Variants in TRIM37 observed in about 807,000 individuals in gnomAD.
TRIM37 encodes the protein tripartite motif containing 37.
A neutral mutation model predicts 129.8 loss-of-function variants in TRIM37; 80 were observed. The ratio of observed to expected loss-of-function variants is 0.62; its 90% confidence interval spans 0.51 to 0.74. The LOEUF (loss-of-function observed/expected upper bound fraction) is 0.74, where lower values mean the gene tolerates loss of function less well. TRIM37 is among the 30% of genes least tolerant of loss of function. The pLI, the probability that TRIM37 is intolerant of heterozygous loss-of-function variation, is 0.00. For synonymous variants in TRIM37, 389 were observed against 387.1 expected (o/e 1.00, Z -0.06); for missense variants, 1,054 against 1,176.5 (o/e 0.90, Z 1.52).
Position 59,028,646 on chromosome 17 carries a change from T to TTA in TRIM37, c.2024_2025dup (p.Lys676Ter), listed in dbSNP as rs1367787892. The TTA allele has an allele frequency of 6.2e-7, 1 of 1,614,134 alleles. No homozygotes were observed. The highest frequency in any genetic ancestry group is 8.5e-7 in the Non-Finnish European group (1 of 1,180,048). The stretch of plus-strand genomic sequence containing the variant: ...TCGGCCATTTGAGTTTTGAGTCTTT[T>TTA]TAGCATCTTTAAATCAGAGGGCACT... On this transcript the variant is annotated frameshift_variant, in exon 19 of 24. Transcript: ENST00000262294. LOFTEE classifies it high-confidence loss of function.
chr17:59,072,821 A>G (rs550760607), intron 8 of TRIM37, among the ~76,000 whole-genome samples: 7 of 152,252 alleles, frequency 4.6e-5, no homozygotes, highest in African/African-American at 1.4e-4. Flanking sequence ...AAGAATAATG[A>G]TATCATGTTT....
intron 22 of TRIM37, among the ~76,000 whole-genome samples, chr17:59,005,261 T>C: frequency 6.6e-6 from 1 of 152,274 alleles, no homozygotes; most frequent in Non-Finnish European, 1.5e-5. Flanking sequence ...ATTAAATACA[T>C]TTTTCAAACT....
Position 59,012,335 on chromosome 17 carries a change from A to C in TRIM37, c.2688T>G (p.Pro896=). The change falls in exon 22 of 24, where the codon CCT becomes CCG. Residue 896 remains proline, a synonymous_variant. Coordinates refer to ENST00000262294, the MANE Select transcript of TRIM37 (RefSeq NM_015294.6). The part of the protein sequence containing the change: ...PVLPEGASAA[P]EEGMSSDSDI... Reference sequence around the variant, plus strand: ...AAGTTTATCATTCCTTACCTTCTTCAGGGGCAGCTGAAGCTCCTTCAGGTA... The same window carrying C: ...AAGTTTATCATTCCTTACCTTCTTCCGGGGCAGCTGAAGCTCCTTCAGGTA... 1.2e-6 allele frequency: 2 copies of C among 1,606,442 alleles called. No individual in the cohort carries two copies. Among genetic ancestry groups the C allele is most frequent in the Middle Eastern group, 1.7e-4 (1 of 6,048 alleles).
the TRIM37 span, among the ~76,000 whole-genome samples, chr17:58,975,831 G>T: frequency 6.6e-6 from 1 of 152,306 alleles, no homozygotes; most frequent in East Asian, 1.9e-4. Flanking sequence ...AGTAGAAAGA[G>T]CCTGGCTGGG....
At chr17:59,044,103 C>A (rs1412474474) in intron 16 of TRIM37, among the ~76,000 whole-genome samples, 8 of 152,080 alleles carry the variant, frequency 5.3e-5, no homozygotes, top group Non-Finnish European at 1.2e-4. Flanking sequence ...CCGGGCCAGC[C>A]TAGAACATAG....
downstream of TRIM37, chr17:58,981,191 T>C: frequency 3.3e-6 from 2 of 600,272 alleles, no homozygotes; most frequent in Non-Finnish European, 2.8e-6. Context: ...CAAAGTACAG[T>C]GTTTTCAATC....
chr17:59,045,638 CAAA>C (rs879736965), intron 16 of TRIM37, among the ~76,000 whole-genome samples: 2 of 71,860 alleles, frequency 2.8e-5, no homozygotes. Flanking sequence ...AACTCCGTCA[CAAA>C]AAAAAAAAAA....
At chr17:59,103,882 G>A (rs765385219) in intron 2 of TRIM37, among the ~76,000 whole-genome samples, 41 of 151,032 alleles carry the variant, frequency 2.7e-4, no homozygotes, top group Admixed American at 5.9e-4. Flanking sequence ...TCTTGACCTC[G>A]TGATCCACCT....
chr17:59,023,173 TCAAGCGATTCTAGTGGC>T (rs981932815), intron 19 of TRIM37, among the ~76,000 whole-genome samples: 3 of 152,130 alleles, frequency 2.0e-5, no homozygotes, highest in Admixed American at 6.5e-5. Context: ...CCTCCTGGGT[TCAAGCGATTCTAGTGGC>T]TTGGCCTCCT....
Position 59,098,811 on chromosome 17 carries a change from T to C in TRIM37, c.123+5482A>G, listed in dbSNP as rs78478955. On this transcript the variant is annotated intron_variant, in intron 2 of 23. Transcript: ENST00000262294. ...AAATGAAAGCAGGAACTCAAACAGA[T>C]AATTGTTAACAACAGAACTATTAAC... Among the ~76,000 whole-genome samples the C allele has an allele frequency of 4.3e-3, 655 of 151,788 alleles. 1 individual carries two copies. Among genetic ancestry groups the C allele is most frequent in the Middle Eastern group, 6.8e-3 (2 of 294 alleles).
chr17:59,021,506 GT>G (rs1463841697), intron 19 of TRIM37, among the ~76,000 whole-genome samples: 1 of 152,170 alleles, frequency 6.6e-6, no homozygotes, highest in Non-Finnish European at 1.5e-5. Flanking sequence ...AGATCGTTAT[GT>G]TAAGTGAAAT....
chr17:59,071,722 AAG>A (rs1357629303), intron 8 of TRIM37, among the ~76,000 whole-genome samples: 1 of 152,142 alleles, frequency 6.6e-6, no homozygotes, highest in Non-Finnish European at 1.5e-5. Flanking sequence ...TTTTGGGAAA[AAG>A]TAACAAATCT....
intron 4 of TRIM37, among the ~76,000 whole-genome samples, chr17:59,086,319 C>T (rs2043750630): frequency 6.6e-6 from 1 of 151,186 alleles, no homozygotes; most frequent in Non-Finnish European, 1.5e-5. Context: ...CCCACTACAA[C>T]CTCCACCTTC....
At chr17:59,004,492 A>G (rs1048593857) in intron 22 of TRIM37, among the ~76,000 whole-genome samples, 1 of 152,152 alleles carries the variant, frequency 6.6e-6, no homozygotes, top group African/African-American at 2.4e-5. Context: ...AAAAACCACA[A>G]TGAAACAAAA....
intron 13 of TRIM37, among the ~76,000 whole-genome samples, chr17:59,053,100 A>C (rs934326578): frequency 6.6e-6 from 1 of 152,246 alleles, no homozygotes; most frequent in Non-Finnish European, 1.5e-5. Flanking sequence ...CTGGTAAGAC[A>C]TTAAAGTAAG....
At chr17:59,102,872 CAG>C (rs1289282801) in intron 2 of TRIM37, among the ~76,000 whole-genome samples, 2 of 152,062 alleles carry the variant, frequency 1.3e-5, no homozygotes, top group African/African-American at 2.4e-5. Context: ...AATAAGGAAA[CAG>C]AAATTTTTTT....
rs2147252175 is a variant in TRIM37 at position 59,089,852 on chromosome 17, C to G, written c.165-1445G>C. Among the ~76,000 whole-genome samples, 3 of 152,260 alleles carry G rather than the reference C, an allele frequency of 2.0e-5. 1 individual carries two copies. In the Middle Eastern group the frequency reaches 0.01, roughly 518 times the overall value. Reference sequence around the variant, plus strand: ...ACAGTGGTTCACGCTGCAATCCTAGCACTTCGGGAGGTCAAGGTGGTAGGA... The same window carrying G: ...ACAGTGGTTCACGCTGCAATCCTAGGACTTCGGGAGGTCAAGGTGGTAGGA... On this transcript the variant is annotated intron_variant, in intron 3 of 23. Coordinates refer to ENST00000262294, the MANE Select transcript of TRIM37 (RefSeq NM_015294.6).
intron 2 of TRIM37, among the ~76,000 whole-genome samples, chr17:59,096,805 T>C (rs1007507635): frequency 9.8e-5 from 15 of 152,306 alleles, no homozygotes; most frequent in African/African-American, 3.6e-4. Context: ...TAATGCTATA[T>C]GAAAAATTTT....
the TRIM37 span, chr17:58,972,732 T>G: frequency 9.4e-7 from 1 of 1,069,464 alleles, no homozygotes; most frequent in South Asian, 1.3e-5. Context: ...AGAGAACCTT[T>G]TCATGAGCTG....
Sources: allele counts gnomAD v4.1 joint callset (sites outside exome capture counted in the v4.1 genomes callset), GRCh38; gene constraint gnomAD v4.1.1; transcripts MANE v1.5; gene names NCBI Gene and HGNC (gene_info 2026-07-23, HGNC 2026-07-21).